Variants in SPON2 observed in about 807,000 individuals in gnomAD.
The protein encoded by SPON2 is spondin-2.
Under a neutral mutation model 29.9 loss-of-function variants are expected in SPON2, and 32 were observed. The observed-to-expected ratio is 1.07, with a 90% confidence interval of 0.81 to 1.44. SPON2 has a LOEUF of 1.44. SPON2 is among the 40% of genes most tolerant of loss of function. The pLI is 0.00. For missense variants in SPON2, 541 were observed against 455.5 expected (o/e 1.19, Z -1.71); for synonymous variants, 248 against 209.1 (o/e 1.19, Z -1.61).
chr4:1,170,896 A>C (rs764990080), intron 4 of SPON2, 103 bp downstream of exon 4: 1 of 1,448,366 alleles, frequency 6.9e-7, no homozygotes, highest in East Asian at 2.5e-5. Context: ...CAAAAGCCGC[A>C]AGCGGCTGTC....
In SPON2 at chr4:1,170,544, G is replaced by A. The variant is rs1727393564; in HGVS notation, c.669C>T (p.Asn223=). Residue 223 remains asparagine, a synonymous_variant, in exon 5 of 6, where the codon AAC becomes AAT. Coordinates refer to ENST00000290902, the MANE Select transcript of SPON2 (RefSeq NM_012445.4). The part of the protein sequence containing the change: ...ITSSSPSHPA[N]SFYYPRLKAL... Reference sequence around the variant, plus strand: ...CCTTCAGCCGCGGGTAGTAGAAGGAGTTGGCCGGGTGGCTGGGAGAGGAGG... The same window carrying A: ...CCTTCAGCCGCGGGTAGTAGAAGGAATTGGCCGGGTGGCTGGGAGAGGAGG... 6.2e-7 allele frequency: 1 copy of A among 1,613,856 alleles called. No homozygotes were observed. The highest frequency in any genetic ancestry group is 1.3e-5 in the African/African-American group (1 of 75,016).
chr4:1,174,472 G>A (rs1727548583), upstream of SPON2, among the ~76,000 whole-genome samples: 1 of 130,454 alleles, frequency 7.7e-6, no homozygotes, highest in African/African-American at 3.0e-5. Flanking sequence ...GGGCAACAGA[G>A]CGAGACTCCA....
At chr4:1,203,933 C>T (rs1435987878) in intron 1 of SPON2, among the ~76,000 whole-genome samples, 2 of 152,048 alleles carry the variant, frequency 1.3e-5, no homozygotes, top group Non-Finnish European at 1.5e-5. Flanking sequence ...TGCAGTGGCG[C>T]GATCTCAGCT....
At chr4:1,189,516 G>C (rs1469123320) in intron 1 of SPON2, among the ~76,000 whole-genome samples, 1 of 151,518 alleles carries the variant, frequency 6.6e-6, no homozygotes. Context: ...AGCTGGGTGT[G>C]GTGGCACGCA....
upstream of SPON2, among the ~76,000 whole-genome samples, chr4:1,198,673 C>T (rs1217112270): frequency 6.6e-6 from 1 of 151,986 alleles, no homozygotes; most frequent in East Asian, 1.9e-4. Context: ...ACAGCGTCGG[C>T]AGCATCGTGT....
At chr4:1,206,361 GCTGGCGGTTGTCAGCCCTTGGT>G (rs1728343130) in intron 1 of SPON2, among the ~76,000 whole-genome samples, 1 of 152,258 alleles carries the variant, frequency 6.6e-6, no homozygotes, top group African/African-American at 2.4e-5. Context: ...AGCTGAAGGG[GCTGGCGGTTGTCAGCCCTTGGT>G]CTGGCCCCAC....
chr4:1,205,398 C>T (rs990728861), intron 1 of SPON2, among the ~76,000 whole-genome samples: 2 of 152,220 alleles, frequency 1.3e-5, no homozygotes, highest in Non-Finnish European at 2.9e-5. Flanking sequence ...GCAAACCCTG[C>T]CCCTCGGTTT....
intron 5 of SPON2, among the ~76,000 whole-genome samples, chr4:1,168,872 C>T (rs929724055): frequency 4.6e-5 from 7 of 152,214 alleles, no homozygotes; most frequent in East Asian, 1.9e-4. Context: ...GTGGACCTGG[C>T]GGAGCCTCCT....
At chr4:1,189,687 A>G (rs1420884112) in intron 1 of SPON2, among the ~76,000 whole-genome samples, 2 of 149,618 alleles carry the variant, frequency 1.3e-5, no homozygotes, top group Admixed American at 1.3e-4. Context: ...AAAACAAAAA[A>G]CAAAAGTTGG....
intron 1 of SPON2, among the ~76,000 whole-genome samples, chr4:1,189,364 C>G (rs2108664046): frequency 6.6e-6 from 1 of 151,996 alleles, no homozygotes; most frequent in Non-Finnish European, 1.5e-5. Flanking sequence ...TTTAAAAGAT[C>G]AATTAAAACA....
intron 5 of SPON2, among the ~76,000 whole-genome samples, chr4:1,168,754 A>T (rs1727327260): frequency 6.6e-6 from 1 of 152,178 alleles, no homozygotes; most frequent in Admixed American, 6.5e-5. Context: ...TTCTACAGCG[A>T]GGGCCCCACC....
intron 1 of SPON2, among the ~76,000 whole-genome samples, chr4:1,182,171 A>C (rs1287799332): frequency 6.6e-6 from 1 of 152,222 alleles, no homozygotes; most frequent in Non-Finnish European, 1.5e-5. Context: ...TCCGATTTTC[A>C]AGAAAAAGAA....
At position 1,167,565 on chromosome 4, in the gene SPON2, CCTG is replaced by C. The variant is rs1727283078; in HGVS notation, c.900_902del (p.Ser300del). ...CGGGCTGGACCCGGACGTAGCGAGT[CCTG>C]CTCTTGGTCCCGAGCCTCCCACAGT... On this transcript the variant is annotated inframe_deletion, in exon 6 of 6. Transcript: ENST00000290902. The C allele has an allele frequency of 1.2e-6, 2 of 1,613,480 alleles. No individual in the cohort carries two copies. The highest frequency in any genetic ancestry group is 1.3e-5 in the African/African-American group (1 of 74,940).
intron 1 of SPON2, chr4:1,172,283 A>G (rs1269553199): frequency 1.0e-5 from 6 of 597,728 alleles, no homozygotes; most frequent in South Asian, 4.0e-5. Context: ...TGCGCCTGCG[A>G]GCGACCAGGG....
Position 1,167,235 on chromosome 4 carries a change from A to G in SPON2, c.*237T>C. The G allele has an allele frequency of 2.0e-6, 1 of 495,182 alleles. No homozygotes were observed. Among genetic ancestry groups the G allele is most frequent in the South Asian group, 3.5e-5 (1 of 28,814 alleles). The allele number at this position is 495,182 out of a possible 1,614,324, so 30.7% of individuals were successfully genotyped here. ...TATCCTGCAGGAGGAGGAGGCTGAGAGCAGACGGGACACGGGGGCCCCTAA... is the reference window on the plus strand; with the variant it reads ...TATCCTGCAGGAGGAGGAGGCTGAGGGCAGACGGGACACGGGGGCCCCTAA... On this transcript the variant is annotated 3_prime_UTR_variant, in exon 6 of 6. Coordinates refer to ENST00000290902, the MANE Select transcript of SPON2 (RefSeq NM_012445.4).
upstream of SPON2, among the ~76,000 whole-genome samples, chr4:1,196,464 G>A (rs1728072573): frequency 6.6e-6 from 1 of 152,340 alleles, no homozygotes; most frequent in African/African-American, 2.4e-5. Flanking sequence ...GACCCTGGGG[G>A]TCACACCAGG....
At chr4:1,182,635 G>A (rs2108658636) in intron 1 of SPON2, among the ~76,000 whole-genome samples, 1 of 152,274 alleles carries the variant, frequency 6.6e-6, no homozygotes, top group African/African-American at 2.4e-5. Context: ...CATTGGGGGA[G>A]AAGAGAGACT....
chr4:1,193,642 TGG>T (rs1194843072), intron 1 of SPON2, among the ~76,000 whole-genome samples: 1 of 17,984 alleles, frequency 5.6e-5, no homozygotes, highest in Admixed American at 9.6e-4. Context: ...GGGAAGGATG[TGG>T]AGGGGGCATG....
At chr4:1,190,542 T>A (rs531080210) in intron 1 of SPON2, among the ~76,000 whole-genome samples, 2 of 152,266 alleles carry the variant, frequency 1.3e-5, no homozygotes, top group African/African-American at 4.8e-5. Flanking sequence ...TTCAACAAAA[T>A]ACCAGTAAAC....
Sources: allele counts gnomAD v4.1 joint callset (sites outside exome capture counted in the v4.1 genomes callset), GRCh38; gene constraint gnomAD v4.1.1; transcripts MANE v1.5; gene names NCBI Gene and HGNC (gene_info 2026-07-23, HGNC 2026-07-21).